ZC4H2: variants seen among roughly 807,000 people sequenced by gnomAD.
ZC4H2 encodes the protein zinc finger C4H2 domain-containing protein.
For missense variants in ZC4H2, 137 were observed against 173.9 expected (o/e 0.79, Z 1.19); for synonymous variants, 84 against 66.3 (o/e 1.27, Z -1.30).
chrX:65,002,334 C>A (rs1433334387), intron 1 of ZC4H2, among the ~76,000 whole-genome samples: 1 of 108,341 alleles, frequency 9.2e-6, no homozygotes, highest in Non-Finnish European at 2.0e-5. Flanking sequence ...GCCAGCCGCC[C>A]CGTCCGGGAG....
chrX:64,970,844 A>G (rs1931758145), intron 1 of ZC4H2, among the ~76,000 whole-genome samples: 2 of 112,054 alleles, frequency 1.8e-5, no homozygotes, highest in Non-Finnish European at 3.8e-5. Context: ...TAGGATTAAT[A>G]AAAAGCAGTA....
chrX:65,025,214 T>C (rs1254611394), intron 1 of ZC4H2, among the ~76,000 whole-genome samples: 1 of 96,972 alleles, frequency 1.0e-5, no homozygotes, highest in Admixed American at 1.2e-4. Flanking sequence ...AGTAGCACAA[T>C]TACAGCTCAC....
intron 1 of ZC4H2, among the ~76,000 whole-genome samples, chrX:64,935,633 C>A (rs981589646): frequency 8.9e-6 from 1 of 112,107 alleles, no homozygotes; most frequent in South Asian, 3.7e-4. Context: ...AAAGAACAGG[C>A]AGCAATCGTT....
intron 1 of ZC4H2, among the ~76,000 whole-genome samples, chrX:64,952,041 C>G (rs1468196587): frequency 9.0e-6 from 1 of 110,868 alleles, no homozygotes; most frequent in Non-Finnish European, 1.9e-5. Flanking sequence ...TTCCCAGCAC[C>G]ATTTATTAAA....
At chrX:65,026,381 G>A (rs1932878750) in intron 1 of ZC4H2, among the ~76,000 whole-genome samples, 1 of 111,850 alleles carries the variant, frequency 8.9e-6, no homozygotes, top group African/African-American at 3.3e-5. Flanking sequence ...CAGAATGTTT[G>A]TACAGCTATT....
chrX:64,957,576 C>T (rs1414259758), intron 1 of ZC4H2, among the ~76,000 whole-genome samples: 8 of 110,975 alleles, frequency 7.2e-5, no homozygotes, highest in African/African-American at 2.6e-4. Flanking sequence ...CATAAAGATA[C>T]AGGCTGGGCA....
At position 64,958,137 on chromosome X, in the gene ZC4H2, A is replaced by T. The variant is rs1931230206; in HGVS notation, c.53+18188T>A. Among the ~76,000 whole-genome samples the T allele has an allele frequency of 2.7e-5, 3 of 112,453 alleles. No individual in the cohort carries two copies. In the South Asian group the frequency reaches 1.1e-3, roughly 41 times the overall value. ...AGTATAGTAAATGCATACACCAGTA[A>T]CATAGTCATTTGTTATCATTTTCAA... On this transcript the variant is annotated intron_variant, in intron 1 of 4. Coordinates refer to ENST00000374839, the MANE Select transcript of ZC4H2 (RefSeq NM_018684.4).
At chrX:64,993,565 C>T (rs1289687553) in intron 1 of ZC4H2, among the ~76,000 whole-genome samples, 1 of 111,621 alleles carries the variant, frequency 9.0e-6, no homozygotes, top group African/African-American at 3.3e-5. Context: ...GAAGCAGGCT[C>T]TCACTAGACA....
At chrX:65,001,983 A>G (rs765966216) in intron 1 of ZC4H2, among the ~76,000 whole-genome samples, 1 of 111,519 alleles carries the variant, frequency 9.0e-6, no homozygotes, top group Admixed American at 9.5e-5. Context: ...ACTCCCACAC[A>G]ATAATAGTGG....
chrX:64,974,902 C>A (rs1931893045), intron 1 of ZC4H2, among the ~76,000 whole-genome samples: 1 of 100,331 alleles, frequency 1.0e-5, no homozygotes, highest in Non-Finnish European at 2.0e-5. Flanking sequence ...TGACTAGCTG[C>A]ATCGTTATGA....
At chrX:64,965,447 C>A (rs1286691132) in intron 1 of ZC4H2, 1 of 320,062 alleles carries the variant, frequency 3.1e-6, no homozygotes, top group Non-Finnish European at 6.0e-6. Flanking sequence ...AATCCTTAAC[C>A]CGTACCTTGC....
intron 1 of ZC4H2, among the ~76,000 whole-genome samples, chrX:65,023,308 A>T (rs1442957116): frequency 1.8e-5 from 2 of 111,750 alleles, no homozygotes; most frequent in Non-Finnish European, 3.8e-5. Flanking sequence ...GCAAAGAGAG[A>T]CAATTTGACT....
At chrX:64,945,742 C>T (rs1930498127) in intron 1 of ZC4H2, among the ~76,000 whole-genome samples, 1 of 111,680 alleles carries the variant, frequency 9.0e-6, no homozygotes, top group Non-Finnish European at 1.9e-5. Flanking sequence ...GAGCCCCTAA[C>T]TGGGACTGCT....
intron 1 of ZC4H2, among the ~76,000 whole-genome samples, chrX:65,004,268 G>C (rs1033908844): frequency 9.0e-6 from 1 of 111,641 alleles, no homozygotes; most frequent in Non-Finnish European, 1.9e-5. Flanking sequence ...ACCTGGCACA[G>C]ACATAAGAAT....
intron 1 of ZC4H2, among the ~76,000 whole-genome samples, chrX:64,998,092 C>A (rs1267080126): frequency 2.7e-5 from 3 of 111,287 alleles, no homozygotes; most frequent in Non-Finnish European, 5.7e-5. Context: ...CAACTAAACA[C>A]ACAGAAAAGG....
chrX:64,979,155 TA>T (rs2056449144), upstream of ZC4H2, among the ~76,000 whole-genome samples: 1 of 112,096 alleles, frequency 8.9e-6, no homozygotes, highest in African/African-American at 3.2e-5. Context: ...GACATCACCC[TA>T]CTTGGCTGAA....
intron 1 of ZC4H2, among the ~76,000 whole-genome samples, chrX:64,952,903 G>A (rs1031722124): frequency 1.7e-4 from 19 of 111,145 alleles, no homozygotes; most frequent in African/African-American, 3.6e-4. Flanking sequence ...GAGGCATCAC[G>A]CTACCTGACT....
chrX:64,987,464 GTTT>G (rs777964481), intron 1 of ZC4H2, among the ~76,000 whole-genome samples: 1 of 91,941 alleles, frequency 1.1e-5, no homozygotes. Context: ...GGTTTGCTGG[GTTT>G]TTTTTTTTTT....
chrX:64,930,591 T>A (rs764846584), intron 1 of ZC4H2, among the ~76,000 whole-genome samples: 12 of 112,326 alleles, frequency 1.1e-4, no homozygotes, highest in Non-Finnish European at 2.1e-4. Context: ...GATAATTTTA[T>A]CAGATGCTTT....
Sources: gnomAD v4.1 joint callset for allele counts (sites outside exome capture counted in the v4.1 genomes callset) on GRCh38, gnomAD v4.1.1 for gene constraint, MANE v1.5 for transcripts, NCBI Gene and HGNC (gene_info 2026-07-23, HGNC 2026-07-21) for gene names.